The following AP1G1 variants were observed in gnomAD, a reference collection of about 807,000 sequenced individuals.
AP1G1 encodes adaptor related protein complex 1 subunit gamma 1, also known as AP-1 complex subunit gamma-1.
A neutral mutation model predicts 108.3 loss-of-function variants in AP1G1; 7 were observed. The ratio of observed to expected loss-of-function variants is 0.06; its 90% confidence interval spans 0.04 to 0.12. AP1G1 has a LOEUF of 0.12. AP1G1 is among the 10% of genes least tolerant of loss of function. The pLI is 1.00. For missense variants in AP1G1, 756 were observed against 1,010.7 expected (o/e 0.75, Z 3.42); for synonymous variants, 379 against 353.5 (o/e 1.07, Z -0.81).
chr16:71,746,330 A>T (rs942437235), intron 17 of AP1G1, among the ~76,000 whole-genome samples: 3 of 152,258 alleles, frequency 2.0e-5, no homozygotes, highest in African/African-American at 7.2e-5. Flanking sequence ...TAACTAAATA[A>T]AATAGAAAAT....
chr16:71,748,814 A>G (rs1264339552), intron 15 of AP1G1, among the ~76,000 whole-genome samples: 3 of 152,202 alleles, frequency 2.0e-5, no homozygotes, highest in Admixed American at 6.5e-5. Context: ...AGAAACAGTA[A>G]TTCAGTCCAC....
At chr16:71,783,812 G>A (rs1479935196) in intron 2 of AP1G1, among the ~76,000 whole-genome samples, 1 of 152,068 alleles carries the variant, frequency 6.6e-6, no homozygotes, top group African/African-American at 2.4e-5. Flanking sequence ...GATTTCTATG[G>A]AAATTCTTTT....
chr16:71,798,740 T>C (rs983986045), intron 1 of AP1G1, among the ~76,000 whole-genome samples: 4 of 151,628 alleles, frequency 2.6e-5, no homozygotes, highest in Non-Finnish European at 4.4e-5. Flanking sequence ...GTACAAAAAT[T>C]AGCCGGGCAT....
Position 71,732,774 on chromosome 16 carries a change from G to T in AP1G1, c.*284C>A. The T allele has an allele frequency of 3.3e-6, 1 of 307,642 alleles. No homozygotes were observed. The highest frequency in any genetic ancestry group is 2.1e-5 in the African/African-American group (1 of 46,722). 19.1% of individuals were successfully genotyped at this position (307,642 alleles called of 1,614,324 possible). ...TTTCCTCAGGGGCCCAGGGAATGTT[G>T]ATTCTGGCTGTAAATGTGGGAGGGG... On this transcript the variant is annotated 3_prime_UTR_variant, in exon 23 of 23. Transcript: ENST00000299980.
chr16:71,774,285 G>T, intron 3 of AP1G1, 183 bp downstream of exon 3: 2 of 586,344 alleles, frequency 3.4e-6, no homozygotes. Context: ...GGCTGAGGCA[G>T]GAGAATCACT....
intron 2 of AP1G1, among the ~76,000 whole-genome samples, chr16:71,779,135 C>T (rs568365555): frequency 2.6e-4 from 40 of 152,204 alleles, no homozygotes; most frequent in African/African-American, 8.7e-4. Context: ...AGCAACAAGC[C>T]TAAGAGATCG....
intron 1 of AP1G1, among the ~76,000 whole-genome samples, chr16:71,795,516 A>T (rs1040037125): frequency 1.3e-5 from 2 of 152,200 alleles, no homozygotes; most frequent in Non-Finnish European, 2.9e-5. Flanking sequence ...CAAAGAAGTT[A>T]CCATGCTTTC....
chr16:71,736,578 ATT>A (rs2045547784), intron 21 of AP1G1, among the ~76,000 whole-genome samples: 4 of 133,762 alleles, frequency 3.0e-5, no homozygotes, highest in African/African-American at 1.1e-4. Flanking sequence ...TTATTTATTT[ATT>A]TATTTATTTA....
At chr16:71,776,641 C>G (rs1030166999) in intron 2 of AP1G1, among the ~76,000 whole-genome samples, 5 of 152,124 alleles carry the variant, frequency 3.3e-5, no homozygotes, top group African/African-American at 9.7e-5. Context: ...TTTTCATCAT[C>G]CTCATTCAAT....
At chr16:71,739,456 T>C in intron 19 of AP1G1, 115 bp from the exon 20 acceptor site, 1 of 775,026 alleles carries the variant, frequency 1.3e-6, no homozygotes, top group Non-Finnish European at 2.0e-6. Flanking sequence ...TTAAACAAGA[T>C]GCAAAAAGCA....
At chr16:71,740,541 ATATACT>A (rs1431507784) in intron 19 of AP1G1, among the ~76,000 whole-genome samples, 2 of 152,240 alleles carry the variant, frequency 1.3e-5, no homozygotes, top group East Asian at 3.8e-4. Context: ...TGATATATTG[ATATACT>A]AAAATACTAC....
chr16:71,791,573 T>C (rs1479683635), intron 1 of AP1G1, among the ~76,000 whole-genome samples: 2 of 151,294 alleles, frequency 1.3e-5, no homozygotes, highest in Admixed American at 6.6e-5. Context: ...CTGTCCCAGC[T>C]ACTCAGGAGA....
In AP1G1 at chr16:71,773,268, C is replaced by G. The variant is rs769561103; in HGVS notation, c.421G>C (p.Glu141Gln). 1.2e-6 allele frequency: 2 copies of G among 1,613,466 alleles called. No homozygotes were observed. Among genetic ancestry groups the G allele is most frequent in the Non-Finnish European group, 1.7e-6 (2 of 1,179,848 alleles). ...GAGGTTTTCAGGAGCTTCTCTACCT[C>G]TCCTGCAAGATCTCTGCACATCTCT... ...SSEMCRDLAGEVEKLLKTSNS... is the reference protein window; with the variant it reads ...SSEMCRDLAGQVEKLLKTSNS... The change falls in exon 4 of 23, where the codon GAG becomes CAG. Residue 141 changes from glutamate to glutamine, a missense_variant. Transcript: ENST00000299980.
At chr16:71,770,731 A>G (rs2145484090) in intron 5 of AP1G1, among the ~76,000 whole-genome samples, 1 of 152,294 alleles carries the variant, frequency 6.6e-6, no homozygotes, top group Non-Finnish European at 1.5e-5. Flanking sequence ...TGGCCTCCCA[A>G]AGTGCTGGGA....
intron 12 of AP1G1, among the ~76,000 whole-genome samples, chr16:71,755,724 C>A (rs1169763926): frequency 1.3e-5 from 2 of 152,056 alleles, no homozygotes; most frequent in East Asian, 1.9e-4. Context: ...TGGCTCACTG[C>A]AACCTCCACC....
At chr16:71,753,599 T>C in intron 13 of AP1G1, 1 of 508,724 alleles carries the variant, frequency 2.0e-6, no homozygotes, top group Non-Finnish European at 3.6e-6. Flanking sequence ...GAGACCTCCC[T>C]GACTAACTCT....
At chr16:71,807,929 C>T in intron 1 of AP1G1, 1 of 1,270,712 alleles carries the variant, frequency 7.9e-7, no homozygotes, top group Non-Finnish European at 1.0e-6. Flanking sequence ...GGAGGGAATC[C>T]ACATATGAGA....
At chr16:71,752,456 A>G (rs746085209) in intron 13 of AP1G1, among the ~76,000 whole-genome samples, 2 of 152,206 alleles carry the variant, frequency 1.3e-5, no homozygotes, top group African/African-American at 2.4e-5. Context: ...TCATAATTTC[A>G]TAAGTCAACA....
chr16:71,799,371 C>CA (rs1455710933), intron 1 of AP1G1, among the ~76,000 whole-genome samples: 2 of 151,862 alleles, frequency 1.3e-5, no homozygotes, highest in Non-Finnish European at 2.9e-5. Flanking sequence ...TGTTAAGTGG[C>CA]AAAAATCTAG....
Sources: allele counts gnomAD v4.1 joint callset (sites outside exome capture counted in the v4.1 genomes callset), GRCh38; gene constraint gnomAD v4.1.1; transcripts MANE v1.5; gene names NCBI Gene and HGNC (gene_info 2026-07-23, HGNC 2026-07-21).